HOMER1: variants seen among roughly 807,000 people sequenced by gnomAD.
The protein encoded by HOMER1 is homer scaffold protein 1, also known as homer protein homolog 1.
Under a neutral mutation model 48.9 loss-of-function variants are expected in HOMER1, and 3 were observed. The observed-to-expected ratio is 0.06, with a 90% confidence interval of 0.03 to 0.16. HOMER1 has a LOEUF of 0.16. Ranked by LOEUF, HOMER1 falls within the 10% of genes least tolerant of loss-of-function variation. The pLI, the probability that HOMER1 is intolerant of heterozygous loss-of-function variation, is 1.00. For missense variants in HOMER1, 247 were observed against 411.4 expected (o/e 0.60, Z 3.46); for synonymous variants, 134 against 146.4 (o/e 0.92, Z 0.61).
intron 1 of HOMER1, among the ~76,000 whole-genome samples, chr5:79,508,219 A>C (rs1222658182): frequency 6.6e-6 from 1 of 152,260 alleles, no homozygotes; most frequent in Admixed American, 6.5e-5. Flanking sequence ...TCAAATTACC[A>C]GTTGCTAACA....
At chr5:79,430,886 GAGATCCAGCCTGGCAAC>G (rs1750403962) in intron 5 of HOMER1, among the ~76,000 whole-genome samples, 1 of 151,618 alleles carries the variant, frequency 6.6e-6, no homozygotes. Flanking sequence ...GCAATGAGCT[GAGATCCAGCCTGGCAAC>G]AGAGCAAGAC....
intron 8 of HOMER1, among the ~76,000 whole-genome samples, chr5:79,381,135 C>G (rs564678111): frequency 6.6e-5 from 10 of 151,806 alleles, no homozygotes; most frequent in African/African-American, 2.2e-4. Flanking sequence ...GTACCACCAT[C>G]AGGGTCCAAA....
intron 1 of HOMER1, among the ~76,000 whole-genome samples, chr5:79,490,356 T>C (rs1752233972): frequency 6.6e-6 from 1 of 152,198 alleles, no homozygotes; most frequent in African/African-American, 2.4e-5. Context: ...ACCTTAAAGT[T>C]TCCCATAACT....
intron 5 of HOMER1, among the ~76,000 whole-genome samples, chr5:79,404,720 T>C (rs1749618837): frequency 6.6e-6 from 1 of 151,778 alleles, no homozygotes; most frequent in Non-Finnish European, 1.5e-5. Context: ...CTTTCTTTCT[T>C]TGAGATGGAG....
At chr5:79,389,034 TA>T (rs769039498) in intron 8 of HOMER1, among the ~76,000 whole-genome samples, 4 of 152,082 alleles carry the variant, frequency 2.6e-5, no homozygotes, top group Non-Finnish European at 5.9e-5. Flanking sequence ...TATTCTAGTA[TA>T]TCATTTAAAC....
intron 1 of HOMER1, among the ~76,000 whole-genome samples, chr5:79,502,830 G>T (rs570461739): frequency 1.8e-4 from 28 of 152,182 alleles, no homozygotes; most frequent in Admixed American, 9.8e-4. Context: ...TCGCTCTGTC[G>T]CCCAGGCTGG....
At chr5:79,389,337 C>G (rs1749191346) in intron 8 of HOMER1, among the ~76,000 whole-genome samples, 1 of 152,042 alleles carries the variant, frequency 6.6e-6, no homozygotes. Flanking sequence ...TGCAACCATC[C>G]ACAAGAAGAT....
At chr5:79,402,697 T>TA (rs914202636) in intron 5 of HOMER1, among the ~76,000 whole-genome samples, 2 of 152,122 alleles carry the variant, frequency 1.3e-5, no homozygotes, top group African/African-American at 4.8e-5. Flanking sequence ...AAACATCTAT[T>TA]AAAAAAACCT....
chr5:79,470,507 C>T (rs1751587844), intron 1 of HOMER1, among the ~76,000 whole-genome samples: 1 of 152,136 alleles, frequency 6.6e-6, no homozygotes, highest in Non-Finnish European at 1.5e-5. Flanking sequence ...AGTATGAAAA[C>T]AGCACTCCTG....
intron 1 of HOMER1, among the ~76,000 whole-genome samples, chr5:79,486,052 C>T (rs1580019272): frequency 6.6e-6 from 1 of 152,278 alleles, no homozygotes; most frequent in African/African-American, 2.4e-5. Flanking sequence ...AACCCAGCCA[C>T]CATGCTGTAA....
rs78211838 is a variant in HOMER1, at chr5:79,426,404, C to T, written c.527+12606G>A. On this transcript the variant is annotated intron_variant, in intron 5 of 8. Coordinates refer to ENST00000334082, the MANE Select transcript of HOMER1 (RefSeq NM_004272.5). ...AATGAATGGATATCTACAAATAGTACCACACTGTGTATATGTGGTACTATA... is the reference window on the plus strand; with the variant it reads ...AATGAATGGATATCTACAAATAGTATCACACTGTGTATATGTGGTACTATA... Among the ~76,000 whole-genome samples, 1,470 of 152,054 alleles carry T rather than the reference C, an allele frequency of 9.7e-3. 26 individuals carry two copies. Among genetic ancestry groups the T allele is most frequent in the African/African-American group, 0.032 (1,321 of 41,506 alleles).
chr5:79,440,197 ATT>A (rs1750702786), intron 4 of HOMER1, among the ~76,000 whole-genome samples: 1 of 152,228 alleles, frequency 6.6e-6, no homozygotes, highest in African/African-American at 2.4e-5. Context: ...GTAGCATATA[ATT>A]TTTAAAAATC....
chr5:79,443,287 C>G (rs1029717503), intron 4 of HOMER1, among the ~76,000 whole-genome samples: 1 of 152,258 alleles, frequency 6.6e-6, no homozygotes, highest in South Asian at 2.1e-4. Context: ...ATACTCACAA[C>G]TGAATTAGGC....
At position 79,374,166 on chromosome 5, in the gene HOMER1, A is replaced by G. The variant is rs1748700938; in HGVS notation, c.*1843T>C. The G allele has an allele frequency of 6.6e-6, 1 of 152,478 alleles. No homozygotes were observed. The highest frequency in any genetic ancestry group is 2.4e-5 in the African/African-American group (1 of 41,444). The allele number at this position is 152,478 out of a possible 1,614,324, so 9.4% of individuals were successfully genotyped here. A position where few individuals can be genotyped will look rare whatever the true frequency, so the allele number is the denominator to read the frequency against. On this transcript the variant is annotated 3_prime_UTR_variant, in exon 9 of 9. Transcript: ENST00000334082. ...ACACATTTACTTCAAAATTCCATCA[A>G]TCAAATACATTTTGTTACCTGATTT...
intron 8 of HOMER1, among the ~76,000 whole-genome samples, chr5:79,383,837 A>G (rs538476998): frequency 6.6e-6 from 1 of 152,330 alleles, no homozygotes; most frequent in African/African-American, 2.4e-5. Context: ...TAAAACCAGA[A>G]ATCAATACCA....
At chr5:79,445,883 C>A (rs574738809) in intron 4 of HOMER1, among the ~76,000 whole-genome samples, 1 of 152,086 alleles carries the variant, frequency 6.6e-6, no homozygotes, top group South Asian at 2.1e-4. Flanking sequence ...CACTGCACTC[C>A]GGTCTGGGTG....
chr5:79,430,321 G>C (rs2112262356), intron 5 of HOMER1, among the ~76,000 whole-genome samples: 1 of 152,234 alleles, frequency 6.6e-6, no homozygotes, highest in African/African-American at 2.4e-5. Flanking sequence ...GCCACAATGA[G>C]ATACCACTTC....
chr5:79,437,061 C>G (rs1750601788), intron 5 of HOMER1, among the ~76,000 whole-genome samples: 1 of 152,144 alleles, frequency 6.6e-6, no homozygotes, highest in South Asian at 2.1e-4. Context: ...CAAAGTAACT[C>G]TTATTAGACT....
intron 1 of HOMER1, among the ~76,000 whole-genome samples, chr5:79,483,547 A>C (rs1210741357): frequency 1.3e-5 from 2 of 152,044 alleles, no homozygotes; most frequent in Admixed American, 1.3e-4. Context: ...ATTTTCTCAG[A>C]CATACAAAAG....
Sources: allele counts gnomAD v4.1 joint callset (sites outside exome capture counted in the v4.1 genomes callset), GRCh38; gene constraint gnomAD v4.1.1; transcripts MANE v1.5; gene names NCBI Gene and HGNC (gene_info 2026-07-23, HGNC 2026-07-21).